PLCE1: variants seen among roughly 807,000 people sequenced by gnomAD.
PLCE1 encodes the protein 1-phosphatidylinositol 4,5-bisphosphate phosphodiesterase epsilon-1.
A neutral mutation model predicts 242.8 loss-of-function variants in PLCE1; 119 were observed. The observed-to-expected ratio is 0.49, with a 90% CI of 0.42 to 0.57. The LOEUF (loss-of-function observed/expected upper bound fraction) is 0.57. PLCE1 is among the 20% of genes least tolerant of loss of function. The pLI is 0.00. For missense variants in PLCE1, 2,441 were observed against 2,788.8 expected (o/e 0.88, Z 2.81); for synonymous variants, 945 against 1,017.4 (o/e 0.93, Z 1.35).
intron 1 of PLCE1, among the ~76,000 whole-genome samples, chr10:94,027,057 A>G (rs1157127533): frequency 6.6e-6 from 1 of 152,136 alleles, no homozygotes; most frequent in East Asian, 1.9e-4. Context: ...CCAGACCCCA[A>G]TGTCTGACTG....
At chr10:94,307,736 C>T (rs2053249764) in intron 26 of PLCE1, among the ~76,000 whole-genome samples, 1 of 152,142 alleles carries the variant, frequency 6.6e-6, no homozygotes, top group South Asian at 2.1e-4. Flanking sequence ...TAAGGCCCAC[C>T]CTAAGGACCC....
intron 24 of PLCE1, among the ~76,000 whole-genome samples, chr10:94,299,029 G>A (rs2052943026): frequency 6.6e-6 from 1 of 152,182 alleles, no homozygotes; most frequent in African/African-American, 2.4e-5. Flanking sequence ...TCACTACGCA[G>A]TTGTTCTTGC....
At chr10:94,250,051 C>A (rs1045381601) in intron 8 of PLCE1, among the ~76,000 whole-genome samples, 1 of 149,356 alleles carries the variant, frequency 6.7e-6, no homozygotes, top group Non-Finnish European at 1.5e-5. Flanking sequence ...TTTAAGGAAT[C>A]TATTTTCTAA....
rs761685163 is a variant in PLCE1, at chr10:94,227,385, A to G, written c.1889A>G (p.His630Arg). Residue 630 changes from histidine (H) to arginine (R), a missense_variant, in exon 5 of 33, where the codon CAT becomes CGT. Around this residue, in one of 5 missense-constraint regions of PLCE1, gnomAD observed 733 missense variants for 754.2 expected, o/e 0.97. Transcript: ENST00000371380. ...CGAGAAGTCTTTTCATATTTGGTGC[A>G]TGTGGCCAAATGCTGCTGGAACATG... ...EKREVFSYLV[H>R]VAKCCWNMGN... 4 of 1,613,728 alleles carry G rather than the reference A, an allele frequency of 2.5e-6. No homozygotes were observed. The highest frequency in any genetic ancestry group is 1.1e-5 in the South Asian group (1 of 91,068).
chr10:94,048,809 C>A (rs915792123), intron 2 of PLCE1, among the ~76,000 whole-genome samples: 18 of 150,502 alleles, frequency 1.2e-4, no homozygotes, highest in African/African-American at 4.1e-4. Flanking sequence ...ACTCTGTCAC[C>A]CATGCTAGAG....
At chr10:94,016,637 T>C (rs2061288153) in intron 1 of PLCE1, among the ~76,000 whole-genome samples, 1 of 152,166 alleles carries the variant, frequency 6.6e-6, no homozygotes, top group Non-Finnish European at 1.5e-5. Context: ...ATATATAGTA[T>C]AATTTCAATT....
At chr10:94,095,217 A>G (rs1277983449) in intron 2 of PLCE1, among the ~76,000 whole-genome samples, 2 of 152,254 alleles carry the variant, frequency 1.3e-5, no homozygotes, top group Non-Finnish European at 2.9e-5. Context: ...TGACAGGCAC[A>G]TTCAAGAAAG....
intron 1 of PLCE1, among the ~76,000 whole-genome samples, chr10:93,995,053 C>T (rs1180715604): frequency 6.6e-6 from 1 of 152,078 alleles, no homozygotes; most frequent in Non-Finnish European, 1.5e-5. Flanking sequence ...GTTTCTTATA[C>T]CCCCCGTAGA....
chr10:94,075,133 C>T (rs2135159799), intron 2 of PLCE1, among the ~76,000 whole-genome samples: 1 of 152,306 alleles, frequency 6.6e-6, no homozygotes, highest in Admixed American at 6.5e-5. Flanking sequence ...GGAATCCCCA[C>T]ATTCACCATC....
At position 94,220,420 on chromosome 10, in the gene PLCE1, G is replaced by A. The variant is rs866259463; in HGVS notation, c.1810-6886G>A. ...TATATATATATATATATATATATAT[G>A]ATTGGGCTATTGTAATAGAAACATG... On this transcript the variant is annotated intron_variant, in intron 4 of 32. Transcript: ENST00000371380. Among the ~76,000 whole-genome samples, 102 of 53,062 alleles carry A rather than the reference G, an allele frequency of 1.9e-3. 1 individual carries two copies. Among genetic ancestry groups the A allele is most frequent in the Middle Eastern group, 0.026 (2 of 78 alleles). 34.8% of individuals were successfully genotyped at this position (53,062 alleles called of 152,430 possible).
rs1020333902 is a variant in PLCE1, at chr10:94,331,311, C to T, written c.*3368C>T. The T allele has an allele frequency of 6.6e-6, 1 of 152,178 alleles. No homozygotes were observed. The highest frequency in any genetic ancestry group is 6.5e-5 in the Admixed American group (1 of 15,278). 9.4% of individuals were successfully genotyped at this position (152,178 alleles called of 1,614,324 possible). ...GCCCTCTATGATATGTATCAATTTA[C>T]CTTTTGCTAACTACATCGTCCCCTT... is the stretch of plus-strand genomic sequence containing the variant. On this transcript the variant is annotated 3_prime_UTR_variant, in exon 33 of 33. Transcript: ENST00000371380.
At chr10:94,302,727 C>T (rs932198558) in intron 24 of PLCE1, among the ~76,000 whole-genome samples, 5 of 152,150 alleles carry the variant, frequency 3.3e-5, no homozygotes, top group Admixed American at 6.5e-5. Flanking sequence ...CTTCAGTTTC[C>T]TCATCCATAA....
At chr10:94,153,121 C>G (rs2047323693) in intron 3 of PLCE1, among the ~76,000 whole-genome samples, 1 of 152,144 alleles carries the variant, frequency 6.6e-6, no homozygotes, top group African/African-American at 2.4e-5. Flanking sequence ...AGTTTACCAT[C>G]TGTTCTTGTC....
chr10:94,278,039 T>A (rs559198800), intron 19 of PLCE1, among the ~76,000 whole-genome samples: 7 of 152,320 alleles, frequency 4.6e-5, no homozygotes, highest in African/African-American at 1.7e-4. Context: ...GCCTAGACCA[T>A]GTCCAGTTAT....
At position 93,996,371 on chromosome 10, in the gene PLCE1, T is replaced by C. The variant is rs1289733404; in HGVS notation, c.-365+2113T>C. Among the ~76,000 whole-genome samples the C allele has an allele frequency of 7.9e-5, 12 of 152,174 alleles. No homozygotes were observed. In the East Asian group the frequency reaches 1.9e-3, roughly 24 times the overall value. On this transcript the variant is annotated intron_variant, in intron 1 of 32. Coordinates refer to ENST00000371380, the MANE Select transcript of PLCE1 (RefSeq NM_016341.4). ...CAACGTTCAGTTGAGATCTGTGGCATTGAGCAAGTAGGGGTTTGGTTGAGG... is the reference window on the plus strand; with the variant it reads ...CAACGTTCAGTTGAGATCTGTGGCACTGAGCAAGTAGGGGTTTGGTTGAGG...
At chr10:94,110,980 C>T (rs2045936621) in intron 2 of PLCE1, among the ~76,000 whole-genome samples, 1 of 152,184 alleles carries the variant, frequency 6.6e-6, no homozygotes, top group African/African-American at 2.4e-5. Context: ...ACAAAAATGT[C>T]TCCACACATT....
In PLCE1 at chr10:94,181,448, C is replaced by T. The variant is rs865911172; in HGVS notation, c.1809+9952C>T. Among the ~76,000 whole-genome samples the T allele has an allele frequency of 1.1e-4, 17 of 151,900 alleles. 1 individual carries two copies. Among genetic ancestry groups the T allele is most frequent in the Middle Eastern group, 3.4e-3 (1 of 294 alleles). On this transcript the variant is annotated intron_variant, in intron 4 of 32. Coordinates refer to ENST00000371380, the MANE Select transcript of PLCE1 (RefSeq NM_016341.4). ...AAAATTAGCCGGGCGTGGTGGCAGGCGCCTGTAGTCCCAGCTACTCGGGAG... is the reference window on the plus strand; with the variant it reads ...AAAATTAGCCGGGCGTGGTGGCAGGTGCCTGTAGTCCCAGCTACTCGGGAG...
intron 8 of PLCE1, among the ~76,000 whole-genome samples, chr10:94,248,248 C>A (rs948034134): frequency 4.6e-5 from 7 of 152,130 alleles, no homozygotes; most frequent in African/African-American, 1.4e-4. Context: ...GGCCTATGTA[C>A]ACAATTATCC....
At chr10:94,253,505 C>G (rs148551178) in intron 9 of PLCE1, among the ~76,000 whole-genome samples, 3 of 152,120 alleles carry the variant, frequency 2.0e-5, no homozygotes, top group Non-Finnish European at 4.4e-5. Flanking sequence ...AGGTGTACAC[C>G]ACCATGCCTG....
Sources: gnomAD v4.1 joint callset for allele counts (sites outside exome capture counted in the v4.1 genomes callset) on GRCh38, gnomAD v4.1.1 for gene constraint, gnomAD v4.1.1 regional missense constraint, MANE v1.5 for transcripts, NCBI Gene and HGNC (gene_info 2026-07-23, HGNC 2026-07-21) for gene names.